The following CABIN1 variants were observed in gnomAD, a reference collection of about 807,000 sequenced individuals.
CABIN1 encodes calcineurin binding protein 1.
CABIN1 carries 133 observed loss-of-function variants against 227.7 expected under a neutral mutation model. The ratio of observed to expected loss-of-function variants is 0.58; its 90% CI spans 0.51 to 0.67. CABIN1 has a LOEUF of 0.67. Ranked by LOEUF, CABIN1 falls within the 30% of genes least tolerant of loss-of-function variation. CABIN1 has a pLI of 0.00. For synonymous variants in CABIN1, 1,086 were observed against 1,155.1 expected (o/e 0.94, Z 1.21); for missense variants, 2,408 against 2,852.5 (o/e 0.84, Z 3.55).
Position 24,156,631 on chromosome 22 carries a change from G to C in CABIN1, c.4747-7769G>C, listed in dbSNP as rs550870574. Reference sequence around the variant, plus strand: ...CGCGTCCGGGCGCGGTGCTTCGCTAGCTATAAATAGGTGCTGTGCGGGGAC... The same window carrying C: ...CGCGTCCGGGCGCGGTGCTTCGCTACCTATAAATAGGTGCTGTGCGGGGAC... On this transcript the variant is annotated intron_variant, in intron 29 of 36. Transcript: ENST00000263119. 4 of 152,548 alleles carry C rather than the reference G, an allele frequency of 2.6e-5. No individual in the cohort carries two copies. The East Asian group carries it at 7.7e-4, about 29-fold the overall frequency. The allele number at this position is 152,548 out of a possible 1,614,324, so 9.4% of individuals were successfully genotyped here. A position where few individuals can be genotyped will look rare whatever the true frequency, so the allele number is the denominator to read the frequency against.
At chr22:24,032,194 A>G (rs2036548470) in intron 1 of CABIN1, among the ~76,000 whole-genome samples, 2 of 152,190 alleles carry the variant, frequency 1.3e-5, no homozygotes, top group Admixed American at 6.5e-5. Flanking sequence ...TTCTGTCTGT[A>G]TGAATTTTCC....
chr22:24,072,709 C>T (rs933549010), intron 18 of CABIN1, among the ~76,000 whole-genome samples, 199 bp downstream of exon 18: 2 of 152,150 alleles, frequency 1.3e-5, no homozygotes, highest in Non-Finnish European at 2.9e-5. Flanking sequence ...GCAGTGGGCA[C>T]GGGAGGCCTG....
Position 24,050,927 on chromosome 22 carries a change from G to A in CABIN1, c.759G>A (p.Arg253=), listed in dbSNP as rs370761584. ...AAAAGAGGCAAGCGCTGATTGTGCG[G>A]GAGAAGGAGCCGGACCTGAAACTTG... ...LRKKRQALIV[R]EKEPDLKLVQ... The change falls in exon 8 of 37, where the codon CGG becomes CGA. Residue 253 remains arginine, a synonymous_variant. Coordinates refer to ENST00000263119, the MANE Select transcript of CABIN1 (RefSeq NM_012295.4). 218 of 1,614,104 alleles carry A rather than the reference G, an allele frequency of 1.4e-4. No homozygotes were observed. Among genetic ancestry groups the A allele is most frequent in the Non-Finnish European group, 1.8e-4 (210 of 1,180,054 alleles).
In CABIN1 at chr22:24,177,453, C is replaced by T; in HGVS notation, c.6206-51C>T. 6.9e-7 allele frequency: 1 copy of T among 1,446,140 alleles called. No homozygotes were observed. The highest frequency in any genetic ancestry group is 2.3e-5 in the East Asian group (1 of 43,342). 89.6% of individuals were successfully genotyped at this position (1,446,140 alleles called of 1,614,324 possible). On this transcript the variant is annotated intron_variant, in intron 35 of 36. Coordinates refer to ENST00000263119, the MANE Select transcript of CABIN1 (RefSeq NM_012295.4). The surrounding 1 kb of genome is among the most constrained non-coding windows in gnomAD (Gnocchi z 4.4). The stretch of plus-strand genomic sequence containing the variant: ...GCGGGTGGGGGCGAGATAAAGTGCT[C>T]ACTGTGTGATGCGGCAGGCAGGAAG...
chr22:24,070,065 CAAA>C (rs66725021), intron 16 of CABIN1, among the ~76,000 whole-genome samples: 9 of 115,356 alleles, frequency 7.8e-5, no homozygotes, highest in Non-Finnish European at 1.1e-4. Context: ...TATTCTAGGC[CAAA>C]AAAAAAAAAA....
intron 18 of CABIN1, among the ~76,000 whole-genome samples, chr22:24,073,895 A>C (rs2040259691): frequency 6.6e-6 from 1 of 152,176 alleles, no homozygotes. Flanking sequence ...CATCATGCTG[A>C]TGAGAGGTGC....
chr22:24,029,720 A>T (rs956569563), intron 1 of CABIN1, among the ~76,000 whole-genome samples: 15 of 152,206 alleles, frequency 9.9e-5, no homozygotes, highest in African/African-American at 3.6e-4. Context: ...TGGAAATAGA[A>T]GGCAGTGGGC....
intron 33 of CABIN1, 108 bp from the exon 34 acceptor site, chr22:24,171,605 C>T (rs1384439430): frequency 7.5e-7 from 1 of 1,334,264 alleles, no homozygotes; most frequent in East Asian, 2.3e-5. Flanking sequence ...TTGGCAGCCC[C>T]AGGCGCACAG....
At chr22:24,126,289 G>A (rs1165094788) in intron 28 of CABIN1, among the ~76,000 whole-genome samples, 1 of 152,190 alleles carries the variant, frequency 6.6e-6, no homozygotes, top group Non-Finnish European at 1.5e-5. Flanking sequence ...GAAAAACAAA[G>A]CTTGGTAAGG....
At chr22:24,140,692 GT>G (rs1169673042) in intron 29 of CABIN1, among the ~76,000 whole-genome samples, 3 of 152,314 alleles carry the variant, frequency 2.0e-5, no homozygotes, top group Non-Finnish European at 4.4e-5. Flanking sequence ...GTTTTTTCTT[GT>G]TTCAACCCAG....
chr22:24,051,013 A>G (rs753100309), intron 8 of CABIN1, 39 bp downstream of exon 8: 2 of 1,613,226 alleles, frequency 1.2e-6, no homozygotes, highest in African/African-American at 2.7e-5. Flanking sequence ...TGGGTCGGCC[A>G]GTAGGCCCTG....
intron 23 of CABIN1, among the ~76,000 whole-genome samples, chr22:24,089,237 G>T (rs1232257152): frequency 6.6e-6 from 1 of 152,232 alleles, no homozygotes; most frequent in Non-Finnish European, 1.5e-5. Context: ...ATTGGCACTT[G>T]TTTGTAGAGC....
intron 26 of CABIN1, among the ~76,000 whole-genome samples, chr22:24,111,505 T>C (rs939843016): frequency 1.3e-5 from 2 of 152,200 alleles, no homozygotes; most frequent in Non-Finnish European, 2.9e-5. Context: ...GAGAATCTAA[T>C]GCCAGAGAAT....
At chr22:24,090,519 T>TTTTG (rs1491014483) in intron 23 of CABIN1, among the ~76,000 whole-genome samples, 1 of 102,818 alleles carries the variant, frequency 9.7e-6, no homozygotes, top group Non-Finnish European at 1.9e-5. Context: ...GTGTGGTCAT[T>TTTTG]TTTTTTTTTT....
chr22:24,087,821 C>A (rs2041268021), intron 23 of CABIN1, 108 bp downstream of exon 23: 1 of 1,406,962 alleles, frequency 7.1e-7, no homozygotes, highest in Non-Finnish European at 9.8e-7. Flanking sequence ...TCCACACATC[C>A]ATGCTGGGAG....
At chr22:24,075,756 A>T (rs1014890840) in intron 18 of CABIN1, among the ~76,000 whole-genome samples, 41 of 148,722 alleles carry the variant, frequency 2.8e-4, no homozygotes, top group South Asian at 1.3e-3. Flanking sequence ...AAAAAAAAAA[A>T]TTTTTTTTTT....
At chr22:24,166,489 C>T in intron 31 of CABIN1, 150 bp from the exon 32 acceptor site, 1 of 981,058 alleles carries the variant, frequency 1.0e-6, no homozygotes, top group South Asian at 1.4e-5. Flanking sequence ...TCTCTGATAA[C>T]TGAAACACAG....
At chr22:24,080,934 T>C (rs1232987716) in intron 19 of CABIN1, among the ~76,000 whole-genome samples, 1 of 152,138 alleles carries the variant, frequency 6.6e-6, no homozygotes, top group Non-Finnish European at 1.5e-5. Context: ...CCCCTTGTCT[T>C]ATACTCTTTG....
Position 24,167,104 on chromosome 22 carries a change from G to GCCACCA in CABIN1, c.5478_5483dup (p.Thr1827_Thr1828dup). 1.5e-6 allele frequency: 2 copies of GCCACCA among 1,340,890 alleles called. No homozygotes were observed. Among genetic ancestry groups the GCCACCA allele is most frequent in the Non-Finnish European group, 1.0e-6 (1 of 1,004,738 alleles). The allele number at this position is 1,340,890 out of a possible 1,614,324, so 83.1% of individuals were successfully genotyped here. On this transcript the variant is annotated inframe_insertion, in exon 32 of 37. Transcript: ENST00000263119. ...CCAGCCAGCCCCCGCCCCCGCCCCC[G>GCCACCA]CCACCACCACAGGGACCAGGGCAGG...
Sources: allele counts gnomAD v4.1 joint callset (sites outside exome capture counted in the v4.1 genomes callset), GRCh38; gene constraint gnomAD v4.1.1; non-coding constraint Gnocchi (gnomAD v3.1); transcripts MANE v1.5; gene names NCBI Gene and HGNC (gene_info 2026-07-23, HGNC 2026-07-21).